The following ATP9A variants were observed in gnomAD, a reference collection of about 807,000 sequenced individuals.
ATP9A encodes the protein probable phospholipid-transporting ATPase IIA.
In ATP9A, 52 loss-of-function variants were observed where a neutral mutation model predicts 144.1. That is an observed-to-expected ratio of 0.36 (90% CI 0.29 to 0.45). The LOEUF is 0.45. Among genes scored for constraint, ATP9A ranks in the 20% least tolerant of loss-of-function variants. The pLI is 1.00. For synonymous variants in ATP9A, 582 were observed against 557.4 expected (o/e 1.04, Z -0.62); for missense variants, 947 against 1,392.7 (o/e 0.68, Z 5.09).
intron 26 of ATP9A, 34 bp downstream of exon 26, chr20:51,607,470 GACACCCTGAGTCAGTACCAGAGC>G (rs1389336949): frequency 1.4e-6 from 2 of 1,451,392 alleles, no homozygotes; most frequent in Non-Finnish European, 1.9e-6. Context: ...GCAAGAAGGG[GACACCCTGAGTCAGTACCAGAGC>G]ACAAGACAAA....
chr20:51,642,725 CCAAAAAAAAAAAAAAAAA>C (rs1245513803), intron 14 of ATP9A, among the ~76,000 whole-genome samples: 3 of 65,576 alleles, frequency 4.6e-5, no homozygotes, highest in South Asian at 5.9e-4. Flanking sequence ...GACTCTGTCT[CCAAAAAAAAAAAAAAAAA>C]AAAAAAAAAA....
At chr20:51,626,365 T>C (rs1445722667) in intron 17 of ATP9A, among the ~76,000 whole-genome samples, 3 of 151,856 alleles carry the variant, frequency 2.0e-5, no homozygotes, top group Non-Finnish European at 4.4e-5. Flanking sequence ...GGCACATGCC[T>C]GTAATCCCAG....
chr20:51,663,955 C>T (rs899939548), intron 13 of ATP9A, among the ~76,000 whole-genome samples: 2 of 151,976 alleles, frequency 1.3e-5, no homozygotes, highest in African/African-American at 2.4e-5. Context: ...CAAACTCACA[C>T]GCTCATAAAA....
intron 15 of ATP9A, among the ~76,000 whole-genome samples, chr20:51,638,079 A>C (rs1412633614): frequency 5.2e-5 from 1 of 19,356 alleles, no homozygotes; most frequent in Non-Finnish European, 9.3e-5. Flanking sequence ...TTTTATATAT[A>C]TATATATATA....
At chr20:51,670,215 C>T (rs1329580190) in intron 12 of ATP9A, 106 bp from the exon 13 acceptor site, 5 of 830,834 alleles carry the variant, frequency 6.0e-6, no homozygotes, top group Non-Finnish European at 8.1e-6. Flanking sequence ...ATGTCACACA[C>T]TGCAGTCAGT....
intron 4 of ATP9A, among the ~76,000 whole-genome samples, chr20:51,706,201 G>A (rs1464163073): frequency 6.6e-6 from 1 of 152,214 alleles, no homozygotes; most frequent in Non-Finnish European, 1.5e-5. Flanking sequence ...TGTAGCAGTT[G>A]TTGAGATATT....
chr20:51,628,528 T>G (rs1342549003), intron 16 of ATP9A, among the ~76,000 whole-genome samples: 1 of 152,230 alleles, frequency 6.6e-6, no homozygotes, highest in African/African-American at 2.4e-5. Context: ...CCTGCTCTCT[T>G]TGTTGAAGCT....
rs1422159319 is a variant in ATP9A, at chr20:51,737,887, A to C, written c.69-7909T>G. Reference sequence around the variant, plus strand: ...GAAAGAGCCAGGTGTGGTGGCGCAGATCTATATCCTATCTATATGCTATAC... The same window carrying C: ...GAAAGAGCCAGGTGTGGTGGCGCAGCTCTATATCCTATCTATATGCTATAC... On this transcript the variant is annotated intron_variant, in intron 1 of 27. Transcript: ENST00000338821. Among the ~76,000 whole-genome samples, 4 of 152,078 alleles carry C rather than the reference A, an allele frequency of 2.6e-5. No individual in the cohort carries two copies. The East Asian group carries it at 7.7e-4, about 29-fold the overall frequency.
Position 51,639,418 on chromosome 20 carries a change from G to A in ATP9A, c.1593C>T (p.Asp531=), listed in dbSNP as rs2077309177. 1 of 1,614,084 alleles carries A rather than the reference G, an allele frequency of 6.2e-7. No homozygotes were observed. Among genetic ancestry groups the A allele is most frequent in the East Asian group, 2.2e-5 (1 of 44,882 alleles). ...GTAGGATGGTGAAGTTCAGGATCTGGTCGCCAGGGGTCCTCAGCTGCATGG... is the reference window on the plus strand; with the variant it reads ...GTAGGATGGTGAAGTTCAGGATCTGATCGCCAGGGGTCCTCAGCTGCATGG... ...QSSMQLRTPG[D]QILNFTILQI... is the part of the protein sequence containing the mutation. Residue 531 remains aspartate (D), a synonymous_variant, in exon 15 of 28, where the codon GAC becomes GAT. Transcript: ENST00000338821.
chr20:51,721,800 C>CA (rs1159903304), intron 3 of ATP9A, among the ~76,000 whole-genome samples: 35,331 of 86,480 alleles, frequency 0.41, 5,628 homozygotes, highest in African/African-American at 0.43. Flanking sequence ...GACTCCATCT[C>CA]AAAAAAAAAA....
chr20:51,679,596 C>T (rs2077491628), intron 9 of ATP9A, among the ~76,000 whole-genome samples: 1 of 152,166 alleles, frequency 6.6e-6, no homozygotes, highest in African/African-American at 2.4e-5. Flanking sequence ...TGCAGCCCCT[C>T]CTTGCTCTCA....
intron 9 of ATP9A, among the ~76,000 whole-genome samples, chr20:51,679,646 C>T (rs1002638308): frequency 6.6e-6 from 1 of 152,142 alleles, no homozygotes; most frequent in Non-Finnish European, 1.5e-5. Context: ...CTGCAGGCCA[C>T]GCAGCCCTTT....
intron 11 of ATP9A, among the ~76,000 whole-genome samples, chr20:51,673,181 C>T (rs143853509): frequency 0.02 from 3,068 of 152,126 alleles, 107 homozygotes; most frequent in African/African-American, 0.069. Context: ...CCAGACCAGC[C>T]TGGCCAACAT....
chr20:51,766,596 C>T (rs1216516382), intron 1 of ATP9A, among the ~76,000 whole-genome samples: 1 of 152,140 alleles, frequency 6.6e-6, no homozygotes, highest in African/African-American at 2.4e-5. Flanking sequence ...AATCCCAGCA[C>T]TTTGGAAGGC....
At chr20:51,724,963 A>G (rs1403552387) in intron 3 of ATP9A, among the ~76,000 whole-genome samples, 2 of 152,192 alleles carry the variant, frequency 1.3e-5, no homozygotes, top group East Asian at 3.8e-4. Context: ...GAGATTGCAG[A>G]TGTTTCCAGA....
At chr20:51,666,728 A>G (rs1313928339) in intron 13 of ATP9A, among the ~76,000 whole-genome samples, 7 of 151,892 alleles carry the variant, frequency 4.6e-5, no homozygotes, top group African/African-American at 1.4e-4. Context: ...AACCACTGGT[A>G]TAAGAACCCC....
chr20:51,761,712 G>A (rs1002733200), intron 1 of ATP9A, among the ~76,000 whole-genome samples: 1 of 151,146 alleles, frequency 6.6e-6, no homozygotes, highest in Non-Finnish European at 1.5e-5. Flanking sequence ...GTGAGCCAAG[G>A]TTGCGCCACT....
chr20:51,738,298 C>A (rs938706578), intron 1 of ATP9A, among the ~76,000 whole-genome samples: 1 of 152,058 alleles, frequency 6.6e-6, no homozygotes, highest in Admixed American at 6.6e-5. Context: ...CCCAAAGTAC[C>A]GGGATTACAG....
Position 51,608,511 on chromosome 20 carries a change from A to G in ATP9A, c.2745+7T>C. 3 of 1,572,648 alleles carry G rather than the reference A, an allele frequency of 1.9e-6. No homozygotes were observed. The highest frequency in any genetic ancestry group is 1.8e-6 in the Non-Finnish European group (2 of 1,142,270). Reference sequence around the variant, plus strand: ...GGAGGAAGGAGGGACTGAAAAGCTAACAGAACCTTGAGAAGATCCTTGTAG... The same window carrying G: ...GGAGGAAGGAGGGACTGAAAAGCTAGCAGAACCTTGAGAAGATCCTTGTAG... On this transcript the variant is annotated splice_region_variant and intron_variant, in intron 25 of 27. Coordinates refer to ENST00000338821, the MANE Select transcript of ATP9A (RefSeq NM_006045.3).
Sources: gnomAD v4.1 joint callset for allele counts (sites outside exome capture counted in the v4.1 genomes callset) on GRCh38, gnomAD v4.1.1 for gene constraint, MANE v1.5 for transcripts, NCBI Gene and HGNC (gene_info 2026-07-23, HGNC 2026-07-21) for gene names.